AGBL4: variants seen among roughly 807,000 people sequenced by gnomAD.
AGBL4 encodes cytosolic carboxypeptidase 6.
Under a neutral mutation model 66.4 loss-of-function variants are expected in AGBL4, and 58 were observed. The ratio of observed to expected loss-of-function variants is 0.87; its 90% CI spans 0.71 to 1.09. The LOEUF is 1.09. Ranked by LOEUF, AGBL4 falls within the 50% of genes least tolerant of loss-of-function variation. AGBL4 has a pLI of 0.00. For synonymous variants in AGBL4, 234 were observed against 222.9 expected (o/e 1.05, Z -0.44); for missense variants, 579 against 631.0 (o/e 0.92, Z 0.88).
intron 4 of AGBL4, among the ~76,000 whole-genome samples, chr1:49,063,858 T>C (rs908587945): frequency 2.0e-5 from 3 of 152,176 alleles, no homozygotes; most frequent in Non-Finnish European, 4.4e-5. Flanking sequence ...TTGCTTCTGT[T>C]CCTCCAGGAC....
chr1:49,929,513 T>A (rs1290689284), intron 1 of AGBL4, among the ~76,000 whole-genome samples: 3 of 151,948 alleles, frequency 2.0e-5, no homozygotes, highest in Non-Finnish European at 4.4e-5. Flanking sequence ...CTGAAGTAAA[T>A]AAGTAAATTT....
intron 3 of AGBL4, among the ~76,000 whole-genome samples, chr1:49,528,782 C>T (rs1650868451): frequency 1.3e-5 from 2 of 151,986 alleles, no homozygotes; most frequent in Admixed American, 1.3e-4. Flanking sequence ...AATGATATTT[C>T]AGGCAGAGGA....
intron 3 of AGBL4, among the ~76,000 whole-genome samples, chr1:49,655,778 A>T (rs1646114815): frequency 6.6e-6 from 1 of 152,336 alleles, no homozygotes; most frequent in South Asian, 2.1e-4. Context: ...GTTTTTTGAA[A>T]AGATCAACAA....
chr1:49,441,371 G>T (rs1646025901), intron 3 of AGBL4, among the ~76,000 whole-genome samples: 1 of 152,072 alleles, frequency 6.6e-6, no homozygotes, highest in Non-Finnish European at 1.5e-5. Flanking sequence ...TGCAGCTCCA[G>T]GAATTAAAAA....
intron 3 of AGBL4, among the ~76,000 whole-genome samples, chr1:49,454,713 G>A (rs1646352613): frequency 6.6e-6 from 1 of 151,696 alleles, no homozygotes; most frequent in Non-Finnish European, 1.5e-5. Context: ...GGTGAGGGTT[G>A]GTAAGGGTTA....
At chr1:49,736,732 C>T (rs1252579856) in intron 2 of AGBL4, among the ~76,000 whole-genome samples, 2 of 151,972 alleles carry the variant, frequency 1.3e-5, no homozygotes, top group African/African-American at 2.4e-5. Flanking sequence ...AAACAGACAA[C>T]CTATAGAATG....
chr1:49,057,107 C>G (rs1208753397), intron 4 of AGBL4, among the ~76,000 whole-genome samples: 5 of 152,112 alleles, frequency 3.3e-5, no homozygotes, highest in African/African-American at 1.2e-4. Flanking sequence ...ATAGCCTTTT[C>G]AAAGCTTAAT....
At chr1:48,737,976 A>G (rs190931175) in intron 6 of AGBL4, among the ~76,000 whole-genome samples, 1 of 152,324 alleles carries the variant, frequency 6.6e-6, no homozygotes, top group Non-Finnish European at 1.5e-5. Flanking sequence ...CCAATATCAC[A>G]TGGTCAGAGA....
intron 3 of AGBL4, among the ~76,000 whole-genome samples, chr1:49,485,721 A>G (rs1223954418): frequency 6.6e-6 from 1 of 151,956 alleles, no homozygotes; most frequent in African/African-American, 2.4e-5. Context: ...CTAAGCACAG[A>G]AAGACAAACT....
chr1:49,390,459 T>C (rs1246844689), intron 3 of AGBL4, among the ~76,000 whole-genome samples: 1 of 152,176 alleles, frequency 6.6e-6, no homozygotes. Flanking sequence ...GGAGACATAC[T>C]CAAAAATCTC....
intron 2 of AGBL4, among the ~76,000 whole-genome samples, chr1:49,810,067 T>C (rs186525386): frequency 1.2e-4 from 19 of 152,320 alleles, no homozygotes; most frequent in African/African-American, 4.3e-4. Context: ...TTGTTCCAGA[T>C]GCTTTACATA....
At chr1:50,008,579 C>T (rs531350373) in intron 1 of AGBL4, among the ~76,000 whole-genome samples, 17 of 151,740 alleles carry the variant, frequency 1.1e-4, no homozygotes, top group African/African-American at 3.9e-4. Flanking sequence ...AAGTTAACAA[C>T]CTAATGATGC....
intron 2 of AGBL4, among the ~76,000 whole-genome samples, chr1:49,711,911 G>A (rs900313078): frequency 6.6e-6 from 1 of 151,966 alleles, no homozygotes; most frequent in African/African-American, 2.4e-5. Context: ...AACATGAGCT[G>A]TAAATCTGTC....
chr1:49,697,911 C>T (rs1019852655), intron 2 of AGBL4, among the ~76,000 whole-genome samples: 2 of 152,070 alleles, frequency 1.3e-5, no homozygotes, highest in Admixed American at 6.6e-5. Flanking sequence ...ATATCCTAAA[C>T]TTCTATCAGA....
chr1:48,659,279 T>G (rs1314806012), intron 7 of AGBL4, among the ~76,000 whole-genome samples: 6 of 152,058 alleles, frequency 3.9e-5, no homozygotes, highest in Non-Finnish European at 8.8e-5. Flanking sequence ...ATTTTGCAGG[T>G]CAGGAAATAG....
At chr1:49,392,797 C>A (rs1644879214) in intron 3 of AGBL4, among the ~76,000 whole-genome samples, 1 of 152,046 alleles carries the variant, frequency 6.6e-6, no homozygotes, top group Admixed American at 6.6e-5. Context: ...TACTGGTTCT[C>A]TTTGAGTGGT....
intron 1 of AGBL4, among the ~76,000 whole-genome samples, chr1:49,881,072 T>A (rs1422860035): frequency 6.6e-6 from 1 of 152,072 alleles, no homozygotes; most frequent in Non-Finnish European, 1.5e-5. Context: ...CACTCCCTAG[T>A]GAGATGAACC....
At chr1:49,652,387 G>A (rs1401286529) in intron 3 of AGBL4, among the ~76,000 whole-genome samples, 2 of 152,186 alleles carry the variant, frequency 1.3e-5, no homozygotes, top group African/African-American at 4.8e-5. Context: ...ACATCATCTT[G>A]CTTTTCCCAC....
At chr1:49,882,421 G>A (rs1647480457) in intron 1 of AGBL4, among the ~76,000 whole-genome samples, 1 of 151,294 alleles carries the variant, frequency 6.6e-6, no homozygotes, top group Non-Finnish European at 1.5e-5. Context: ...CCAATTCTGT[G>A]AAGAAAGTCA....
Sources: allele counts gnomAD v4.1 joint callset (sites outside exome capture counted in the v4.1 genomes callset), GRCh38; gene constraint gnomAD v4.1.1; transcripts MANE v1.5; gene names NCBI Gene and HGNC (gene_info 2026-07-23, HGNC 2026-07-21).